The following ST6GALNAC3 variants were observed in gnomAD, a reference collection of about 807,000 sequenced individuals.
ST6GALNAC3 encodes the protein alpha-N-acetylgalactosaminide alpha-2,6-sialyltransferase 3.
In ST6GALNAC3, 25 loss-of-function variants were observed where a neutral mutation model predicts 32.7. That is an observed-to-expected ratio of 0.76 (90% CI 0.56 to 1.07). The LOEUF is 1.07. ST6GALNAC3 is among the 50% of genes least tolerant of loss of function. The probability of loss-of-function intolerance (pLI) is 0.00; values close to 1 mark genes in which losing one functional copy is unlikely to be tolerated. For synonymous variants in ST6GALNAC3, 129 were observed against 133.1 expected (o/e 0.97, Z 0.21); for missense variants, 355 against 382.4 (o/e 0.93, Z 0.60).
At chr1:76,210,236 A>C (rs1051289191) in intron 1 of ST6GALNAC3, among the ~76,000 whole-genome samples, 1 of 152,190 alleles carries the variant, frequency 6.6e-6, no homozygotes, top group Non-Finnish European at 1.5e-5. Flanking sequence ...ATTTTCTAGA[A>C]GTCAACAACA....
At chr1:76,511,396 G>A (rs531718369) in intron 3 of ST6GALNAC3, among the ~76,000 whole-genome samples, 1 of 152,144 alleles carries the variant, frequency 6.6e-6, no homozygotes, top group Admixed American at 6.5e-5. Flanking sequence ...GCTGTTTCAG[G>A]CCCATGGACC....
intron 3 of ST6GALNAC3, among the ~76,000 whole-genome samples, chr1:76,437,967 C>T (rs1041463072): frequency 1.3e-5 from 2 of 151,526 alleles, no homozygotes; most frequent in Non-Finnish European, 2.9e-5. Context: ...TTCTTAAGGT[C>T]GATTCTAAGA....
chr1:76,479,317 G>T (rs1322832389), intron 3 of ST6GALNAC3, among the ~76,000 whole-genome samples: 1 of 152,056 alleles, frequency 6.6e-6, no homozygotes, highest in Non-Finnish European at 1.5e-5. Flanking sequence ...TGAGATCTTG[G>T]TTACCTCTCA....
rs11316194 is a variant in ST6GALNAC3 at position 76,171,817 on chromosome 1, CAA to C, written c.18+96946_18+96947del. ...AATTAATAGCCTACCAAAACAACAA[CAA>C]AAAAAAAAAAAACAAGAAAAAAAAC... On this transcript the variant is annotated intron_variant, in intron 1 of 4. Coordinates refer to ENST00000328299, the MANE Select transcript of ST6GALNAC3 (RefSeq NM_152996.4). Among the ~76,000 whole-genome samples, 545 of 133,024 alleles carry C rather than the reference CAA, an allele frequency of 4.1e-3. 1 individual carries two copies. The highest frequency in any genetic ancestry group is 7.9e-3 in the African/African-American group (275 of 34,846). The allele number at this position is 133,024 out of a possible 152,430, so 87.3% of individuals were successfully genotyped here. A position where few individuals can be genotyped will look rare whatever the true frequency, so the allele number is the denominator to read the frequency against.
intron 1 of ST6GALNAC3, among the ~76,000 whole-genome samples, chr1:76,248,577 T>A (rs1163604623): frequency 6.6e-6 from 1 of 152,166 alleles, no homozygotes; most frequent in East Asian, 1.9e-4. Flanking sequence ...ATTTCAGGAA[T>A]GTTTTATTTT....
At chr1:76,454,504 T>G (rs1657631361) in intron 3 of ST6GALNAC3, among the ~76,000 whole-genome samples, 1 of 152,158 alleles carries the variant, frequency 6.6e-6, no homozygotes. Flanking sequence ...CAGCATTTCT[T>G]TGTCTGAAAA....
intron 1 of ST6GALNAC3, among the ~76,000 whole-genome samples, chr1:76,223,782 T>C (rs932748723): frequency 2.8e-4 from 42 of 152,302 alleles, no homozygotes; most frequent in African/African-American, 9.9e-4. Context: ...ATTGATGCCA[T>C]GATGATTTTT....
chr1:76,108,731 A>G (rs554656763), intron 1 of ST6GALNAC3, among the ~76,000 whole-genome samples: 2 of 152,302 alleles, frequency 1.3e-5, no homozygotes, highest in East Asian at 3.9e-4. Flanking sequence ...GATCGAAACA[A>G]ATTATCATAG....
intron 1 of ST6GALNAC3, among the ~76,000 whole-genome samples, chr1:76,192,835 G>A (rs151270277): frequency 3.1e-3 from 477 of 152,262 alleles, no homozygotes; most frequent in Non-Finnish European, 5.2e-3. Context: ...TCTCTGAAGA[G>A]CCTGACCTTA....
intron 1 of ST6GALNAC3, among the ~76,000 whole-genome samples, chr1:76,189,357 A>G (rs1653763368): frequency 1.3e-5 from 2 of 152,196 alleles, no homozygotes; most frequent in African/African-American, 4.8e-5. Flanking sequence ...CTCCAGGCAC[A>G]TAGAACCTTT....
intron 2 of ST6GALNAC3, among the ~76,000 whole-genome samples, chr1:76,333,985 C>G (rs752381828): frequency 5.0e-4 from 76 of 152,268 alleles, no homozygotes; most frequent in Non-Finnish European, 9.1e-4. Context: ...CACAAGCAAT[C>G]TAACCTAAAA....
intron 2 of ST6GALNAC3, among the ~76,000 whole-genome samples, chr1:76,369,954 C>A (rs372060763): frequency 1.3e-5 from 2 of 152,272 alleles, no homozygotes; most frequent in East Asian, 1.9e-4. Context: ...AAAGGATGTT[C>A]TTATTCACTA....
At chr1:76,411,979 T>C in intron 2 of ST6GALNAC3, 29 bp from the exon 3 acceptor site, 2 of 1,594,782 alleles carry the variant, frequency 1.3e-6, no homozygotes, top group Non-Finnish European at 1.7e-6. Context: ...AATTTACTAA[T>C]TTACATGCCT....
intron 1 of ST6GALNAC3, among the ~76,000 whole-genome samples, chr1:76,115,304 C>G (rs998087762): frequency 4.6e-5 from 7 of 151,962 alleles, no homozygotes; most frequent in Non-Finnish European, 8.8e-5. Context: ...CTAAGTAAAC[C>G]AAGTAGCTCC....
intron 1 of ST6GALNAC3, among the ~76,000 whole-genome samples, chr1:76,260,102 G>C (rs1658140717): frequency 6.6e-6 from 1 of 152,100 alleles, no homozygotes; most frequent in African/African-American, 2.4e-5. Context: ...ACCTGTAGGT[G>C]ATCTGTGACT....
At chr1:76,409,969 C>T (rs1654106784) in intron 2 of ST6GALNAC3, among the ~76,000 whole-genome samples, 1 of 152,146 alleles carries the variant, frequency 6.6e-6, no homozygotes, top group Admixed American at 6.6e-5. Context: ...CGGCTTCTCT[C>T]CATCTCCTTT....
At chr1:76,314,887 C>G (rs1646835566) in intron 2 of ST6GALNAC3, among the ~76,000 whole-genome samples, 1 of 152,054 alleles carries the variant, frequency 6.6e-6, no homozygotes, top group African/African-American at 2.4e-5. Context: ...TGTAAAGATA[C>G]TAGAGGGTAG....
intron 3 of ST6GALNAC3, among the ~76,000 whole-genome samples, chr1:76,567,310 C>T (rs970144256): frequency 4.6e-5 from 7 of 152,150 alleles, no homozygotes; most frequent in African/African-American, 1.7e-4. Context: ...TGAAATTATG[C>T]ATATTCATGA....
intron 2 of ST6GALNAC3, among the ~76,000 whole-genome samples, chr1:76,357,711 C>T (rs72675994): frequency 7.9e-5 from 12 of 152,244 alleles, no homozygotes; most frequent in Admixed American, 3.9e-4. Flanking sequence ...CCATCTGGTC[C>T]GGCTGTTCTT....
Sources: allele counts gnomAD v4.1 joint callset (sites outside exome capture counted in the v4.1 genomes callset), GRCh38; gene constraint gnomAD v4.1.1; transcripts MANE v1.5; gene names NCBI Gene and HGNC (gene_info 2026-07-23, HGNC 2026-07-21).